Variants in PDZD2 observed in about 807,000 individuals in gnomAD.
PDZD2 encodes the protein PDZ domain-containing protein 2.
PDZD2 carries 90 observed loss-of-function variants against 220.7 expected under a neutral mutation model. That is an observed-to-expected ratio of 0.41 (90% CI 0.34 to 0.49). PDZD2 has a LOEUF of 0.49. PDZD2 is among the 20% of genes least tolerant of loss of function. The pLI is 0.28. For synonymous variants in PDZD2, 1,375 were observed against 1,450.5 expected, an observed-to-expected ratio of 0.95 and a Z score of 1.18; for missense variants, 3,174 against 3,608.5, an observed-to-expected ratio of 0.88 and a Z score of 3.08.
At chr5:32,095,720 C>CA in intron 21 of PDZD2, among the ~76,000 whole-genome samples, 1 of 127,024 alleles carries the variant, frequency 7.9e-6, no homozygotes, top group Non-Finnish European at 1.8e-5. Flanking sequence ...GCCTCATTTT[C>CA]TTTTTTTTTT....
rs777609149 is a variant in PDZD2 at position 31,685,648 on chromosome 5, C to T, written c.-361+46211C>T. Among the ~76,000 whole-genome samples the T allele has an allele frequency of 1.8e-4, 28 of 152,192 alleles. No individual in the cohort carries two copies. In the Middle Eastern group the frequency reaches 0.01, roughly 55 times the overall value. ...AAGCATTCCTCCCACCTTAGCCTTC[C>T]GAGTAGCTGGGACTTCAGATGTGCA... On this transcript the variant is annotated intron_variant, in intron 1 of 24. Coordinates refer to ENST00000438447, the MANE Select transcript of PDZD2 (RefSeq NM_178140.4).
At chr5:31,933,961 G>A (rs188496970) in intron 2 of PDZD2, among the ~76,000 whole-genome samples, 6 of 152,252 alleles carry the variant, frequency 3.9e-5, no homozygotes, top group Non-Finnish European at 5.9e-5. Flanking sequence ...TGTATGCTAC[G>A]TGGCTCGTTT....
At chr5:31,706,511 C>T (rs536197250) in intron 1 of PDZD2, among the ~76,000 whole-genome samples, 1 of 151,912 alleles carries the variant, frequency 6.6e-6, no homozygotes, top group Admixed American at 6.6e-5. Context: ...GCCAGGAGCA[C>T]GGTGAGCAGC....
intron 3 of PDZD2, among the ~76,000 whole-genome samples, chr5:31,994,503 G>GT (rs1359515227): frequency 1.3e-5 from 2 of 151,740 alleles, no homozygotes; most frequent in East Asian, 1.9e-4. Flanking sequence ...GGTGTTTTTT[G>GT]TTTTTTTGGT....
chr5:31,796,530 T>A (rs989577843), intron 1 of PDZD2, among the ~76,000 whole-genome samples: 7 of 152,104 alleles, frequency 4.6e-5, no homozygotes, highest in African/African-American at 1.2e-4. Flanking sequence ...ACTAGGACTC[T>A]TTCAGAGTCG....
At chr5:31,970,923 C>T (rs1008929632) in intron 2 of PDZD2, among the ~76,000 whole-genome samples, 4 of 152,302 alleles carry the variant, frequency 2.6e-5, no homozygotes, top group Admixed American at 2.0e-4. Context: ...CTCCCAAATC[C>T]ATTCAGATAT....
At chr5:31,804,043 CAAA>C (rs59174858) in intron 2 of PDZD2, among the ~76,000 whole-genome samples, 2 of 130,678 alleles carry the variant, frequency 1.5e-5, no homozygotes, top group Non-Finnish European at 1.7e-5. Flanking sequence ...ACCCTGCGTC[CAAA>C]AAAAAAAAAA....
chr5:31,987,747 G>T (rs1347990086), intron 3 of PDZD2, among the ~76,000 whole-genome samples: 3 of 152,190 alleles, frequency 2.0e-5, no homozygotes, highest in Non-Finnish European at 2.9e-5. Context: ...GCCCAAGCTG[G>T]AAGTTTGATG....
intron 7 of PDZD2, among the ~76,000 whole-genome samples, chr5:32,039,912 T>C (rs1755909563): frequency 1.5e-5 from 2 of 132,364 alleles, no homozygotes; most frequent in African/African-American, 3.0e-5. Context: ...GGCGGCCCCA[T>C]CTGGGAGGAA....
intron 13 of PDZD2, among the ~76,000 whole-genome samples, chr5:32,059,947 T>C (rs1201695653): frequency 6.6e-6 from 1 of 152,196 alleles, no homozygotes. Context: ...ATCTAGGTGT[T>C]CTATTATATA....
chr5:31,971,160 T>C (rs1049826898), intron 2 of PDZD2, among the ~76,000 whole-genome samples: 1 of 152,168 alleles, frequency 6.6e-6, no homozygotes, highest in Non-Finnish European at 1.5e-5. Flanking sequence ...GATTGGGTGA[T>C]TCATGAAAAC....
chr5:31,852,938 T>G (rs969838433), intron 2 of PDZD2, among the ~76,000 whole-genome samples: 2 of 152,136 alleles, frequency 1.3e-5, no homozygotes, highest in Admixed American at 1.3e-4. Flanking sequence ...ACATCATCAA[T>G]TATGTACCTG....
intron 1 of PDZD2, among the ~76,000 whole-genome samples, chr5:31,653,114 C>CTGAT (rs1330437098): frequency 6.6e-6 from 1 of 152,134 alleles, no homozygotes; most frequent in African/African-American, 2.4e-5. Context: ...GGCATATTTG[C>CTGAT]TGATAGATAT....
intron 6 of PDZD2, among the ~76,000 whole-genome samples, chr5:32,015,401 C>T (rs1208012344): frequency 2.6e-5 from 4 of 152,034 alleles, no homozygotes; most frequent in East Asian, 1.9e-4. Flanking sequence ...TGCACGCCAC[C>T]GCAGCCTGCT....
intron 1 of PDZD2, among the ~76,000 whole-genome samples, chr5:31,696,594 G>T (rs969060733): frequency 1.3e-5 from 2 of 152,118 alleles, no homozygotes; most frequent in African/African-American, 4.8e-5. Context: ...GAGCCACTGT[G>T]CCTGGCCACC....
At position 31,726,556 on chromosome 5, in the gene PDZD2, C is replaced by T. The variant is rs548635851; in HGVS notation, c.-360-72333C>T. ...AAAAAAAAGTATATTACCCAGCACG[C>T]GTAGGTTTCATTTGGGAAGAGGAGG... On this transcript the variant is annotated intron_variant, in intron 1 of 24. Coordinates refer to ENST00000438447, the MANE Select transcript of PDZD2 (RefSeq NM_178140.4). Among the ~76,000 whole-genome samples, 7 of 152,236 alleles carry T rather than the reference C, an allele frequency of 4.6e-5. No homozygotes were observed. In the East Asian group the frequency reaches 1.2e-3, roughly 25 times the overall value.
intron 2 of PDZD2, chr5:31,854,825 T>C (rs1034397824): frequency 5.0e-5 from 12 of 240,154 alleles, no homozygotes; most frequent in Non-Finnish European, 8.1e-5. Flanking sequence ...TGCCGTGGGG[T>C]TTTGACAAGT....
At chr5:31,972,148 C>T (rs1749356761) in intron 2 of PDZD2, among the ~76,000 whole-genome samples, 1 of 152,162 alleles carries the variant, frequency 6.6e-6, no homozygotes, top group Non-Finnish European at 1.5e-5. Context: ...GGTTTCACTC[C>T]CATTGCCCAG....
rs112339948 is a variant in PDZD2 at position 32,072,286 on chromosome 5, G to A, written c.2694G>A (p.Ser898=). ...ACCCGGGAAGTGGCTGCAGCACGTC[G>A]GAGGAGGGCAGCCTGCCTCCCAGCA... is the stretch of plus-strand genomic sequence containing the variant. The part of the protein sequence containing the change: ...EDHPGSGCST[S]EEGSLPPSTS... The change falls in exon 17 of 25, where the codon TCG becomes TCA. Residue 898 remains serine (S), a synonymous_variant. Transcript: ENST00000438447. 561 of 1,613,868 alleles carry A rather than the reference G, an allele frequency of 3.5e-4. No individual in the cohort carries two copies. In the African/African-American group the frequency reaches 5.6e-3, roughly 16 times the overall value.
Sources: gnomAD v4.1 joint callset for allele counts (sites outside exome capture counted in the v4.1 genomes callset) on GRCh38, gnomAD v4.1.1 for gene constraint, MANE v1.5 for transcripts, NCBI Gene and HGNC (gene_info 2026-07-23, HGNC 2026-07-21) for gene names.